The following GRM5 variants were observed in gnomAD, a reference collection of about 807,000 sequenced individuals.
The protein encoded by GRM5 is metabotropic glutamate receptor 5.
GRM5 carries 19 observed loss-of-function variants against 83.1 expected under a neutral mutation model. The ratio of observed to expected loss-of-function variants is 0.23; its 90% CI spans 0.16 to 0.34. GRM5 has a LOEUF of 0.34. GRM5 is among the 10% of genes least tolerant of loss of function. GRM5 has a pLI of 1.00. For synonymous variants in GRM5, 675 were observed against 633.6 expected (o/e 1.07, Z -0.98); for missense variants, 1,160 against 1,588.3 (o/e 0.73, Z 4.58).
At chr11:88,905,086 T>C (rs1945380937) in intron 2 of GRM5, among the ~76,000 whole-genome samples, 2 of 152,178 alleles carry the variant, frequency 1.3e-5, no homozygotes, top group Non-Finnish European at 2.9e-5. Flanking sequence ...AGTTCAGATG[T>C]GTCTATATAA....
chr11:88,649,746 G>A (rs1939582668), intron 4 of GRM5, among the ~76,000 whole-genome samples: 2 of 151,464 alleles, frequency 1.3e-5, no homozygotes, highest in Non-Finnish European at 1.5e-5. Context: ...AAATGAAAAT[G>A]TTCTAAGAAA....
At chr11:88,726,135 C>A (rs1941674413) in intron 3 of GRM5, among the ~76,000 whole-genome samples, 1 of 151,972 alleles carries the variant, frequency 6.6e-6, no homozygotes, top group Admixed American at 6.6e-5. Flanking sequence ...AAGCTAAGAA[C>A]CTTGAAAAAA....
chr11:88,930,107 A>G (rs1362992438), intron 2 of GRM5, among the ~76,000 whole-genome samples: 1 of 152,140 alleles, frequency 6.6e-6, no homozygotes. Context: ...TAATGTAAGT[A>G]AAGAAAAGTG....
At chr11:88,543,486 G>A (rs1942316856) in intron 8 of GRM5, among the ~76,000 whole-genome samples, 1 of 151,888 alleles carries the variant, frequency 6.6e-6, no homozygotes, top group Non-Finnish European at 1.5e-5. Flanking sequence ...ACAGTGAGTG[G>A]GGCCTGGCAA....
At chr11:89,051,484 C>T (rs1048839138) in intron 1 of GRM5, among the ~76,000 whole-genome samples, 2 of 151,946 alleles carry the variant, frequency 1.3e-5, no homozygotes, top group Non-Finnish European at 2.9e-5. Flanking sequence ...CCGAGGCGGG[C>T]AGTTCACTTG....
chr11:88,775,162 G>A, intron 3 of GRM5, among the ~76,000 whole-genome samples: 1 of 152,108 alleles, frequency 6.6e-6, no homozygotes, highest in East Asian at 1.9e-4. Flanking sequence ...TCCTGGTTTA[G>A]TCTTGGGAGC....
intron 3 of GRM5, among the ~76,000 whole-genome samples, chr11:88,750,386 T>G (rs1207992443): frequency 2.0e-5 from 3 of 152,156 alleles, no homozygotes; most frequent in African/African-American, 7.2e-5. Context: ...CAAGAAGAGC[T>G]AACTATCCTA....
At chr11:88,614,662 T>C (rs900931499) in intron 4 of GRM5, among the ~76,000 whole-genome samples, 11 of 152,132 alleles carry the variant, frequency 7.2e-5, no homozygotes, top group Admixed American at 6.6e-4. Flanking sequence ...ATATTGACAA[T>C]TTGCATTTGC....
intron 2 of GRM5, among the ~76,000 whole-genome samples, chr11:88,876,633 C>T (rs1451113259): frequency 6.6e-6 from 1 of 152,064 alleles, no homozygotes; most frequent in Non-Finnish European, 1.5e-5. Context: ...AGGCATGTGA[C>T]TCTTTCTTCC....
intron 3 of GRM5, among the ~76,000 whole-genome samples, chr11:88,675,274 T>C (rs1360853902): frequency 6.6e-6 from 1 of 152,048 alleles, no homozygotes; most frequent in Non-Finnish European, 1.5e-5. Context: ...ACTATTTCAT[T>C]CCATTGTCCT....
At chr11:88,655,605 T>C (rs1192719939) in intron 3 of GRM5, among the ~76,000 whole-genome samples, 1 of 151,924 alleles carries the variant, frequency 6.6e-6, no homozygotes, top group African/African-American at 2.4e-5. Flanking sequence ...CAGGTGATAT[T>C]TCCATAAAAG....
intron 3 of GRM5, among the ~76,000 whole-genome samples, chr11:88,815,321 T>C (rs551514178): frequency 6.6e-6 from 1 of 152,322 alleles, no homozygotes; most frequent in East Asian, 1.9e-4. Flanking sequence ...ACATTTATAA[T>C]AACTCATGTG....
chr11:88,918,930 A>G (rs997863457), intron 2 of GRM5, among the ~76,000 whole-genome samples: 2 of 151,728 alleles, frequency 1.3e-5, no homozygotes, highest in Admixed American at 6.6e-5. Context: ...AAATTAAAAC[A>G]TACCACCAGA....
In GRM5 at chr11:88,629,821, TTCAAGTCCTG is replaced by T. The variant is rs201252677; in HGVS notation, c.1147+23337_1147+23346del. On this transcript the variant is annotated intron_variant, in intron 4 of 9. Coordinates refer to ENST00000305447, the MANE Select transcript of GRM5 (RefSeq NM_001143831.3). Reference sequence around the variant, plus strand: ...TGTTATCTGCTACAAAAAAGGCCAGTTCAAGTCCTGTCTTTGTCTAAGTCCTCTAGTGGCT... The same window carrying T: ...TGTTATCTGCTACAAAAAAGGCCAGTTCTTTGTCTAAGTCCTCTAGTGGCT... 7.4e-3 allele frequency among the ~76,000 whole-genome samples: 1,132 copies of T among 152,316 alleles called. 15 individuals carry two copies. Among genetic ancestry groups the T allele is most frequent in the African/African-American group, 0.026 (1,075 of 41,574 alleles).
chr11:88,653,337 T>A lies in GRM5; in HGVS notation c.978A>T (p.Thr326=), dbSNP rs761954443. ...GYQREAVGGI[T]IKLQSPDVKW... ...TGACATCGGGAGATTGGAGCTTGAT[T>A]GTGATGCCACCAACAGCTTCTCGCT... Residue 326 remains threonine (T), a synonymous_variant, in exon 4 of 10, where the codon ACA becomes ACT. Coordinates refer to ENST00000305447, the MANE Select transcript of GRM5 (RefSeq NM_001143831.3). 1 of 1,613,172 alleles carries A rather than the reference T, an allele frequency of 6.2e-7. No homozygotes were observed. The highest frequency in any genetic ancestry group is 8.5e-7 in the Non-Finnish European group (1 of 1,179,410).
At chr11:88,759,416 G>A (rs939223597) in intron 3 of GRM5, among the ~76,000 whole-genome samples, 1 of 152,054 alleles carries the variant, frequency 6.6e-6, no homozygotes, top group African/African-American at 2.4e-5. Flanking sequence ...AAAAAAGCAG[G>A]CATTGCAATC....
rs547288041 is a variant in GRM5 at position 88,887,869 on chromosome 11, A to G, written c.662-37714T>C. On this transcript the variant is annotated intron_variant, in intron 2 of 9. Coordinates refer to ENST00000305447, the MANE Select transcript of GRM5 (RefSeq NM_001143831.3). ...TTACTAGATCCTTGCAAGCACTGCA[A>G]AATGAATCCAGCTCTTTTAGCAATC... Among the ~76,000 whole-genome samples the G allele has an allele frequency of 3.3e-5, 5 of 152,244 alleles. No individual in the cohort carries two copies. In the East Asian group the frequency reaches 7.7e-4, roughly 24 times the overall value.
At chr11:88,747,614 G>T (rs1942170644) in intron 3 of GRM5, among the ~76,000 whole-genome samples, 1 of 151,266 alleles carries the variant, frequency 6.6e-6, no homozygotes, top group East Asian at 2.0e-4. Context: ...CATGCAGGTA[G>T]ATAAGAAAAA....
At chr11:88,604,643 G>T in intron 5 of GRM5, 75 bp downstream of exon 5, 1 of 1,240,046 alleles carries the variant, frequency 8.1e-7, no homozygotes, top group Non-Finnish European at 1.2e-6. Context: ...ACAAAGGAGA[G>T]AAAGAGACAT....
Sources: allele counts gnomAD v4.1 joint callset (sites outside exome capture counted in the v4.1 genomes callset), GRCh38; gene constraint gnomAD v4.1.1; transcripts MANE v1.5; gene names NCBI Gene and HGNC (gene_info 2026-07-23, HGNC 2026-07-21).